The following EPHA7 variants were observed in gnomAD, a reference collection of about 807,000 sequenced individuals.
EPHA7 encodes the protein EPH receptor A7.
EPHA7 carries 25 observed loss-of-function variants against 112.6 expected under a neutral mutation model. The observed-to-expected ratio is 0.22, with a 90% CI of 0.16 to 0.31. The LOEUF (loss-of-function observed/expected upper bound fraction) is 0.31. Ranked by LOEUF, EPHA7 falls within the 10% of genes least tolerant of loss-of-function variation. The pLI is 1.00. For synonymous variants in EPHA7, 437 were observed against 406.5 expected (o/e 1.07, Z -0.90); for missense variants, 962 against 1,212.6 (o/e 0.79, Z 3.07).
rs1444372074 is a variant in EPHA7, at chr6:93,245,300, A to G, written c.2880T>C (p.Ile960=). The G allele has an allele frequency of 2.5e-6, 4 of 1,612,554 alleles. No individual in the cohort carries two copies. Among genetic ancestry groups the G allele is most frequent in the Non-Finnish European group, 3.4e-6 (4 of 1,179,690 alleles). ...CAATTTTAAGAGTTTAAGCTTACTC[A>G]ATAGTCATCCTGGCTACTGATTCAA... ...NSLESVARMT[I]EDVMSLGITL... Residue 960 remains isoleucine (I), a splice_region_variant and synonymous_variant, in exon 16 of 17, where the codon ATT becomes ATC. Transcript: ENST00000369303.
rs61350097 is a variant in EPHA7, at chr6:93,340,572, A to C, written c.1324+16145T>G. On this transcript the variant is annotated intron_variant, in intron 5 of 16. Coordinates refer to ENST00000369303, the MANE Select transcript of EPHA7 (RefSeq NM_004440.4). ...AATACAAATATTACAAAACTCCAAA[A>C]AAAAATTCAAAATCTGAAACACTTC... Among the ~76,000 whole-genome samples the C allele has an allele frequency of 8.3e-3, 1,263 of 151,910 alleles. 17 individuals carry two copies. Among genetic ancestry groups the C allele is most frequent in the African/African-American group, 0.028 (1,158 of 41,514 alleles).
Position 93,419,536 on chromosome 6 carries a change from C to T in EPHA7, c.-195G>A. On this transcript the variant is annotated 5_prime_UTR_variant, in exon 1 of 17. Coordinates refer to ENST00000369303, the MANE Select transcript of EPHA7 (RefSeq NM_004440.4). ...CTGTTCGCTCGCACCGTGTTTGCTG[C>T]CTGCAAGTCTCCGACTGCAGACCGG... 2 of 537,228 alleles carry T rather than the reference C, an allele frequency of 3.7e-6. No individual in the cohort carries two copies. Among genetic ancestry groups the T allele is most frequent in the South Asian group, 5.1e-5 (2 of 38,942 alleles). 33.3% of individuals were successfully genotyped at this position (537,228 alleles called of 1,614,324 possible). A position where few individuals can be genotyped will look rare whatever the true frequency, so the allele number is the denominator to read the frequency against.
chr6:93,295,263 C>T lies in EPHA7; in HGVS notation c.1325-22841G>A, dbSNP rs558292283. ...TTCAACCAGCCGTTTATGAAATTTT[C>T]CATTTTTTGTGTGTTTGGGATGACC... is the stretch of plus-strand genomic sequence containing the variant. On this transcript the variant is annotated intron_variant, in intron 5 of 16. Transcript: ENST00000369303. 7.2e-5 allele frequency among the ~76,000 whole-genome samples: 11 copies of T among 151,968 alleles called. No individual in the cohort carries two copies. In the South Asian group the frequency reaches 2.3e-3, roughly 32 times the overall value.
At chr6:93,368,308 C>T (rs1458442514) in intron 3 of EPHA7, among the ~76,000 whole-genome samples, 1 of 152,078 alleles carries the variant, frequency 6.6e-6, no homozygotes, top group Non-Finnish European at 1.5e-5. Flanking sequence ...AGTCACCTTT[C>T]CTGCCAAAGC....
At chr6:93,347,589 C>A (rs1413230901) in intron 5 of EPHA7, among the ~76,000 whole-genome samples, 2 of 151,822 alleles carry the variant, frequency 1.3e-5, no homozygotes, top group African/African-American at 4.8e-5. Context: ...TATTAGTCTG[C>A]ATTTGTTGCT....
intron 5 of EPHA7, among the ~76,000 whole-genome samples, chr6:93,348,393 A>C (rs1375288213): frequency 6.6e-6 from 1 of 151,894 alleles, no homozygotes; most frequent in Non-Finnish European, 1.5e-5. Flanking sequence ...GTTCCTAGGT[A>C]CTAAAGAAAG....
chr6:93,416,147 C>T (rs574947768), intron 1 of EPHA7, among the ~76,000 whole-genome samples: 2 of 152,000 alleles, frequency 1.3e-5, no homozygotes, highest in Admixed American at 6.5e-5. Flanking sequence ...GAAACACACC[C>T]ACAACACTTT....
chr6:93,288,527 T>C (rs1028081008), intron 5 of EPHA7, among the ~76,000 whole-genome samples: 2 of 152,330 alleles, frequency 1.3e-5, no homozygotes, highest in South Asian at 4.1e-4. Context: ...ATTATACATT[T>C]GAACTGGGTG....
At chr6:93,251,472 T>C (rs1033402943) in intron 14 of EPHA7, among the ~76,000 whole-genome samples, 3 of 150,932 alleles carry the variant, frequency 2.0e-5, no homozygotes, top group Non-Finnish European at 3.0e-5. Flanking sequence ...AATACTTTCT[T>C]ACGTTATTTT....
Position 93,314,926 on chromosome 6 carries a change from G to A in EPHA7, c.1324+41791C>T, listed in dbSNP as rs972179124. Among the ~76,000 whole-genome samples the A allele has an allele frequency of 8.0e-5, 11 of 138,050 alleles. 1 individual carries two copies. The highest frequency in any genetic ancestry group is 3.0e-4 in the African/African-American group (11 of 36,242). The allele number at this position is 138,050 out of a possible 152,430, so 90.6% of individuals were successfully genotyped here. A position where few individuals can be genotyped will look rare whatever the true frequency, so the allele number is the denominator to read the frequency against. On this transcript the variant is annotated intron_variant, in intron 5 of 16. Transcript: ENST00000369303. ...CGCCCAGGCTGGAGTGCAGTGGCGC[G>A]ATCTCGGCTCACTGCAAGCTCCGCC... is the stretch of plus-strand genomic sequence containing the variant.
At chr6:93,334,771 C>T (rs1774776107) in intron 5 of EPHA7, among the ~76,000 whole-genome samples, 2 of 151,960 alleles carry the variant, frequency 1.3e-5, no homozygotes, top group Admixed American at 1.3e-4. Flanking sequence ...CAAGGTTAAA[C>T]GAGTGATGCA....
At chr6:93,284,180 T>G (rs1771935183) in intron 5 of EPHA7, among the ~76,000 whole-genome samples, 1 of 152,326 alleles carries the variant, frequency 6.6e-6, no homozygotes, top group African/African-American at 2.4e-5. Context: ...ATTTCTCTCC[T>G]TTTTTCCTGC....
intron 9 of EPHA7, among the ~76,000 whole-genome samples, chr6:93,262,208 T>C (rs1348418220): frequency 1.3e-5 from 2 of 151,556 alleles, no homozygotes; most frequent in East Asian, 3.9e-4. Flanking sequence ...GTTAAAAATA[T>C]TCTCACATGT....
In EPHA7 at chr6:93,335,654, A is replaced by AT. The variant is rs932934656; in HGVS notation, c.1324+21062dup. Among the ~76,000 whole-genome samples, 74 of 150,520 alleles carry AT rather than the reference A, an allele frequency of 4.9e-4. 1 individual carries two copies. In the East Asian group the frequency reaches 5.5e-3, roughly 11 times the overall value. On this transcript the variant is annotated intron_variant, in intron 5 of 16. Coordinates refer to ENST00000369303, the MANE Select transcript of EPHA7 (RefSeq NM_004440.4). ...CCAGTAATAATCATCCACAGTTTTC[A>AT]TTTTTTTTTTAAATTTTTAATCCCA...
intron 14 of EPHA7, among the ~76,000 whole-genome samples, chr6:93,253,594 CCTT>C (rs1214818175): frequency 2.6e-5 from 4 of 152,044 alleles, no homozygotes; most frequent in Non-Finnish European, 4.4e-5. Context: ...TCTGAAAACT[CCTT>C]CATCAATTTG....
At chr6:93,253,351 T>A (rs1372862979) in intron 14 of EPHA7, among the ~76,000 whole-genome samples, 2 of 152,116 alleles carry the variant, frequency 1.3e-5, no homozygotes, top group South Asian at 2.1e-4. Context: ...TCAATAGATA[T>A]AACTGATTTA....
At chr6:93,266,191 T>G (rs909298545) in intron 7 of EPHA7, among the ~76,000 whole-genome samples, 3 of 151,704 alleles carry the variant, frequency 2.0e-5, no homozygotes, top group Non-Finnish European at 4.4e-5. Context: ...ATTTGCTTAT[T>G]TTTTGTTTTT....
intron 3 of EPHA7, among the ~76,000 whole-genome samples, chr6:93,361,568 A>G (rs1413215327): frequency 6.6e-6 from 1 of 152,070 alleles, no homozygotes; most frequent in Non-Finnish European, 1.5e-5. Context: ...GGAAAGTTAG[A>G]CGAGCTCACC....
At chr6:93,385,991 G>C (rs1777582587) in intron 3 of EPHA7, among the ~76,000 whole-genome samples, 1 of 152,132 alleles carries the variant, frequency 6.6e-6, no homozygotes, top group Non-Finnish European at 1.5e-5. Context: ...TTACTATCAT[G>C]AGAACAGCAT....
Sources: gnomAD v4.1 joint callset for allele counts (sites outside exome capture counted in the v4.1 genomes callset) on GRCh38, gnomAD v4.1.1 for gene constraint, MANE v1.5 for transcripts, NCBI Gene and HGNC (gene_info 2026-07-23, HGNC 2026-07-21) for gene names.